The following PROCR variants were observed in gnomAD, a reference collection of about 807,000 sequenced individuals.
PROCR encodes endothelial protein C receptor.
PROCR carries 22 observed loss-of-function variants against 24.2 expected under a neutral mutation model. That is an observed-to-expected ratio of 0.91 (90% CI 0.65 to 1.30). The LOEUF (loss-of-function observed/expected upper bound fraction) is 1.30. PROCR is among the 50% of genes most tolerant of loss of function. PROCR has a pLI of 0.00. For missense variants in PROCR, 288 were observed against 307.7 expected, an observed-to-expected ratio of 0.94 and a Z score of 0.48; for synonymous variants, 137 against 139.2, an observed-to-expected ratio of 0.98 and a Z score of 0.11.
intron 1 of PROCR, among the ~76,000 whole-genome samples, chr20:35,205,767 A>ATATATATATG (rs1568600643): frequency 2.2e-5 from 1 of 45,540 alleles, no homozygotes; most frequent in African/African-American, 5.9e-5. Context: ...ATATATATAT[A>ATATATATATG]TATATATATA....
At chr20:35,214,112 A>G (rs1011701323) in intron 1 of PROCR, among the ~76,000 whole-genome samples, 1 of 152,034 alleles carries the variant, frequency 6.6e-6, no homozygotes, top group African/African-American at 2.4e-5. Flanking sequence ...AAATTAAAAA[A>G]TAAAAATAAA....
At chr20:35,198,007 A>C (rs1482105259) in intron 1 of PROCR, among the ~76,000 whole-genome samples, 1 of 150,110 alleles carries the variant, frequency 6.7e-6, no homozygotes, top group Non-Finnish European at 1.5e-5. Context: ...AATTAAGGCC[A>C]GGCGCGGTGG....
At chr20:35,196,066 C>A (rs1195430907) in intron 1 of PROCR, among the ~76,000 whole-genome samples, 1 of 149,500 alleles carries the variant, frequency 6.7e-6, no homozygotes, top group Non-Finnish European at 1.5e-5. Context: ...CCTGTAGTCC[C>A]AGCTACTCAG....
In PROCR at chr20:35,174,962, G is replaced by C. The variant is rs1372469145; in HGVS notation, c.322+9G>C. 3 of 1,505,974 alleles carry C rather than the reference G, an allele frequency of 2.0e-6. No homozygotes were observed. Among genetic ancestry groups the C allele is most frequent in the Middle Eastern group, 2.1e-4 (1 of 4,678 alleles). 93.3% of individuals were successfully genotyped at this position (1,505,974 alleles called of 1,614,324 possible). On this transcript the variant is annotated intron_variant, in intron 2 of 3. Transcript: ENST00000216968. ...GGAGCGGACCTTGGCCTGTGAGTAG[G>C]CGCGCAGCGGGGGCGGGGTCTGGGC...
At chr20:35,182,462 A>C (rs185674683) in intron 1 of PROCR, among the ~76,000 whole-genome samples, 1 of 152,328 alleles carries the variant, frequency 6.6e-6, no homozygotes, top group East Asian at 1.9e-4. Flanking sequence ...ATAAATGTTC[A>C]CTATATCTCA....
At chr20:35,173,991 C>T (rs888356726) in intron 1 of PROCR, among the ~76,000 whole-genome samples, 15 of 152,158 alleles carry the variant, frequency 9.9e-5, no homozygotes, top group African/African-American at 3.1e-4. Context: ...TGACTGCCTA[C>T]GTGCAAACCT....
In PROCR at chr20:35,213,782, A is replaced by G. The variant is rs141557630; in HGVS notation, c.95-2111A>G. ...TACAAAAAGGTATACAGTGAGAAAA[A>G]TCTCCTTCCAGCCAGGCATGGTGGC... On this transcript the variant is annotated intron_variant, in intron 1 of 1. Coordinates refer to the PROCR transcript ENST00000634509. Among the ~76,000 whole-genome samples the G allele has an allele frequency of 1.2e-4, 19 of 152,254 alleles. No homozygotes were observed. In the East Asian group the frequency reaches 2.7e-3, roughly 22 times the overall value.
intron 1 of PROCR, among the ~76,000 whole-genome samples, chr20:35,204,703 C>T (rs913098314): frequency 9.9e-5 from 15 of 151,920 alleles, no homozygotes. Context: ...GAAATTCTAC[C>T]AAATGTTAAA....
At chr20:35,194,215 C>A (rs900406095) in intron 1 of PROCR, among the ~76,000 whole-genome samples, 1 of 152,088 alleles carries the variant, frequency 6.6e-6, no homozygotes, top group African/African-American at 2.4e-5. Context: ...TAATTTGAGA[C>A]AGTGACTATA....
chr20:35,214,866 C>A (rs970756794), intron 1 of PROCR, among the ~76,000 whole-genome samples: 4 of 151,324 alleles, frequency 2.6e-5, no homozygotes, highest in East Asian at 1.9e-4. Flanking sequence ...AACAATCAGA[C>A]CTTTTCCTTC....
Position 35,212,031 on chromosome 20 carries a change from AC to A in PROCR, c.95-3861del, listed in dbSNP as rs1362868233. Among the ~76,000 whole-genome samples, 28 of 152,218 alleles carry A rather than the reference AC, an allele frequency of 1.8e-4. 1 individual carries two copies. Among genetic ancestry groups the A allele is most frequent in the African/African-American group, 6.5e-4 (27 of 41,542 alleles). On this transcript the variant is annotated intron_variant, in intron 1 of 1. Coordinates refer to the PROCR transcript ENST00000634509. ...AAACTCTGTCTCAAGAAAAAAAAAA[AC>A]AAACACTGTGATAAAGAGTTAATAA...
chr20:35,204,040 A>C (rs2060328615), intron 1 of PROCR, among the ~76,000 whole-genome samples: 1 of 152,162 alleles, frequency 6.6e-6, no homozygotes, highest in African/African-American at 2.4e-5. Flanking sequence ...AGATTTACCA[A>C]GGAAAAGAAA....
chr20:35,204,331 C>A (rs2146175061), intron 1 of PROCR, among the ~76,000 whole-genome samples: 1 of 152,042 alleles, frequency 6.6e-6, no homozygotes, highest in South Asian at 2.1e-4. Context: ...CAGAAGGTTT[C>A]TTTTCTTTTC....
At chr20:35,173,868 C>T (rs1017579713) in intron 1 of PROCR, among the ~76,000 whole-genome samples, 7 of 152,130 alleles carry the variant, frequency 4.6e-5, no homozygotes, top group Non-Finnish European at 1.0e-4. Context: ...CAGCGGGAAG[C>T]GGCCAGAAAA....
chr20:35,182,973 CAAAAAAAAA>C (rs71333786), intron 1 of PROCR, among the ~76,000 whole-genome samples: 3 of 110,762 alleles, frequency 2.7e-5, no homozygotes, highest in East Asian at 3.5e-4. Context: ...GACTCCGTCT[CAAAAAAAAA>C]AAAAAAAAAA....
At chr20:35,215,133 C>T (rs2060377244) in intron 1 of PROCR, among the ~76,000 whole-genome samples, 1 of 152,126 alleles carries the variant, frequency 6.6e-6, no homozygotes, top group Non-Finnish European at 1.5e-5. Context: ...TGGTCTCAAA[C>T]TCCTGACCTC....
chr20:35,190,846 G>T lies in PROCR; in HGVS notation c.94+14400G>T, dbSNP rs1181441628. Among the ~76,000 whole-genome samples, 4 of 152,146 alleles carry T rather than the reference G, an allele frequency of 2.6e-5. No individual in the cohort carries two copies. The Middle Eastern group carries it at 0.01, about 388-fold the overall frequency. On this transcript the variant is annotated intron_variant, in intron 1 of 1. Transcript: ENST00000634509. ...GTCCTACATATGTTCAAAGATGATG[G>T]TCCTGTTCTCCTAAATCTTTTCTTC...
intron 1 of PROCR, among the ~76,000 whole-genome samples, chr20:35,198,701 A>G (rs1182942697): frequency 6.6e-6 from 1 of 152,076 alleles, no homozygotes; most frequent in Non-Finnish European, 1.5e-5. Context: ...CTATTGGAAG[A>G]AGATGCCATC....
intron 1 of PROCR, among the ~76,000 whole-genome samples, chr20:35,189,959 C>A (rs1042822299): frequency 6.6e-6 from 1 of 152,070 alleles, no homozygotes; most frequent in Non-Finnish European, 1.5e-5. Flanking sequence ...TAATCCCTCG[C>A]CTTTTTGTAC....
Sources: gnomAD v4.1 joint callset for allele counts (sites outside exome capture counted in the v4.1 genomes callset) on GRCh38, gnomAD v4.1.1 for gene constraint, MANE v1.5 for transcripts, NCBI Gene and HGNC (gene_info 2026-07-23, HGNC 2026-07-21) for gene names.